The following RIOX2 variants were observed in gnomAD, a reference collection of about 807,000 sequenced individuals.
RIOX2 encodes the protein ribosomal oxygenase 2.
RIOX2 carries 43 observed loss-of-function variants against 51.2 expected under a neutral mutation model. The observed-to-expected ratio is 0.84, with a 90% CI of 0.66 to 1.08. RIOX2 has a LOEUF of 1.08. RIOX2 is among the 50% of genes least tolerant of loss of function. The pLI, the probability that RIOX2 is intolerant of heterozygous loss-of-function variation, is 0.00. For synonymous variants in RIOX2, 226 were observed against 218.5 expected, an observed-to-expected ratio of 1.03 and a Z score of -0.30; for missense variants, 566 against 561.7, an observed-to-expected ratio of 1.01 and a Z score of -0.08.
chr3:97,952,074 C>T, intron 5 of RIOX2: 1 of 859,768 alleles, frequency 1.2e-6, no homozygotes, highest in Non-Finnish European at 1.7e-6. Context: ...ACAACCAAAT[C>T]AACAACATAC....
intron 7 of RIOX2, 86 bp from the exon 8 acceptor site, chr3:97,947,535 C>T (rs188701072): frequency 1.0e-6 from 1 of 963,350 alleles, no homozygotes. Flanking sequence ...ATAGGAAACA[C>T]ATTTACTAAC....
chr3:97,960,930 A>C (rs1705651735), intron 3 of RIOX2, among the ~76,000 whole-genome samples: 1 of 152,220 alleles, frequency 6.6e-6, no homozygotes, highest in South Asian at 2.1e-4. Flanking sequence ...AAAAATATTA[A>C]AAATAACATT....
intron 2 of RIOX2, among the ~76,000 whole-genome samples, chr3:97,963,461 A>G (rs939286265): frequency 6.6e-6 from 1 of 152,222 alleles, no homozygotes; most frequent in African/African-American, 2.4e-5. Flanking sequence ...GGGCTTCTCT[A>G]TAGATCTCAG....
rs748548822 is a variant in RIOX2, at chr3:97,947,491, A to G, written c.1061-42T>C. On this transcript the variant is annotated intron_variant, in intron 7 of 9. Coordinates refer to ENST00000394198, the MANE Select transcript of RIOX2 (RefSeq NM_153182.4). ...AGAGAAAGCCGACCTTCAAAAAAGG[A>G]AACAGGCAGATTCAAACTTGCTTAT... The G allele has an allele frequency of 4.6e-6, 7 of 1,510,362 alleles. No homozygotes were observed. The Admixed American group carries it at 8.4e-5, about 18-fold the overall frequency. The allele number at this position is 1,510,362 out of a possible 1,614,324, so 93.6% of individuals were successfully genotyped here.
intron 9 of RIOX2, 166 bp downstream of exon 9, chr3:97,945,632 A>C (rs2040336771): frequency 1.6e-6 from 1 of 631,350 alleles, no homozygotes; most frequent in South Asian, 2.0e-5. Context: ...TATCACAGAA[A>C]TGTCTGACTT....
intron 1 of RIOX2, among the ~76,000 whole-genome samples, chr3:97,969,477 G>T (rs775812491): frequency 2.3e-4 from 35 of 152,236 alleles, no homozygotes; most frequent in Non-Finnish European, 4.6e-4. Flanking sequence ...TCCTTTGAAA[G>T]TGCAGCTTGT....
At chr3:97,961,751 GA>G in intron 2 of RIOX2, 43 bp from the exon 3 acceptor site, 1 of 1,542,070 alleles carries the variant, frequency 6.5e-7, no homozygotes. Flanking sequence ...GTGGGGGAGT[GA>G]AAAATGTATT....
At chr3:97,968,043 A>T (rs1705959471) in intron 1 of RIOX2, among the ~76,000 whole-genome samples, 1 of 152,176 alleles carries the variant, frequency 6.6e-6, no homozygotes, top group Non-Finnish European at 1.5e-5. Flanking sequence ...CCCACATCTA[A>T]TTAGATGTAC....
intron 1 of RIOX2, among the ~76,000 whole-genome samples, chr3:97,970,570 A>G (rs1034694301): frequency 4.6e-5 from 7 of 152,224 alleles, no homozygotes; most frequent in Non-Finnish European, 1.5e-5. Flanking sequence ...ATCCAATACT[A>G]TAGTAATTAA....
At chr3:97,957,804 T>C (rs1343942723) in intron 4 of RIOX2, among the ~76,000 whole-genome samples, 1 of 152,134 alleles carries the variant, frequency 6.6e-6, no homozygotes, top group Non-Finnish European at 1.5e-5. Context: ...TATGTAAACA[T>C]GATGCAACAA....
intron 9 of RIOX2, 33 bp from the exon 10 acceptor site, chr3:97,945,375 G>T (rs1215999483): frequency 6.3e-7 from 1 of 1,574,976 alleles, no homozygotes; most frequent in African/African-American, 1.4e-5. Flanking sequence ...CAAAATATAT[G>T]TATACTACTT....
At chr3:97,968,693 A>C (rs1349017434) in intron 1 of RIOX2, among the ~76,000 whole-genome samples, 2 of 152,152 alleles carry the variant, frequency 1.3e-5, no homozygotes, top group African/African-American at 4.8e-5. Flanking sequence ...AAATTATTTA[A>C]ATTTCCTGAG....
In RIOX2 at chr3:97,942,062, G is replaced by C. The variant is rs2107113346; in HGVS notation, c.*3122C>G. ...GATGTAGACATCCTATTAAAAACAA[G>C]TACCTCTATTTCAGTTGGTTTATTT... On this transcript the variant is annotated 3_prime_UTR_variant, in exon 10 of 10. Transcript: ENST00000394198. 2 of 340,616 alleles carry C rather than the reference G, an allele frequency of 5.9e-6. No homozygotes were observed. Among genetic ancestry groups the C allele is most frequent in the South Asian group, 1.4e-4 (1 of 7,172 alleles). 21.1% of individuals were successfully genotyped at this position (340,616 alleles called of 1,614,324 possible).
chr3:97,967,019 T>C (rs1284294766), intron 2 of RIOX2, 143 bp downstream of exon 2: 1 of 833,754 alleles, frequency 1.2e-6, no homozygotes, highest in Non-Finnish European at 1.9e-6. Context: ...TTAGAATGCA[T>C]TTAGACCAAA....
Position 97,944,272 on chromosome 3 carries a change from TTAAG to T in RIOX2, c.*908_*911del, listed in dbSNP as rs1370379298. 15 of 151,980 alleles carry T rather than the reference TTAAG, an allele frequency of 9.9e-5. No individual in the cohort carries two copies. The highest frequency in any genetic ancestry group is 1.9e-4 in the Non-Finnish European group (13 of 67,898). The allele number at this position is 151,980 out of a possible 1,614,324, so 9.4% of individuals were successfully genotyped here. A position where few individuals can be genotyped will look rare whatever the true frequency, so the allele number is the denominator to read the frequency against. On this transcript the variant is annotated 3_prime_UTR_variant, in exon 10 of 10. Transcript: ENST00000394198. ...CACTCCCATTGTAAGTAACTTTTAT[TTAAG>T]TAAGTAAAATCAGGTAGGAAATCAC...
At chr3:97,965,901 T>G (rs1179881930) in intron 2 of RIOX2, among the ~76,000 whole-genome samples, 2 of 152,226 alleles carry the variant, frequency 1.3e-5, no homozygotes, top group African/African-American at 4.8e-5. Context: ...CGAGAAGCAT[T>G]TTATTGACGG....
At chr3:97,950,519 A>C (rs1705201428) in intron 6 of RIOX2, among the ~76,000 whole-genome samples, 1 of 152,192 alleles carries the variant, frequency 6.6e-6, no homozygotes, top group Non-Finnish European at 1.5e-5. Flanking sequence ...TCCTGGCCGT[A>C]CTATTCATTT....
rs1397618770 is a variant in RIOX2, at chr3:97,968,237, CT to C, written c.-39-606del. On this transcript the variant is annotated intron_variant, in intron 1 of 9. Coordinates refer to ENST00000394198, the MANE Select transcript of RIOX2 (RefSeq NM_153182.4). ...TCCACTAACCACCTGAACCTGCTCA[CT>C]TCCAACTCTGAGCTTATTCCTGAAA... Among the ~76,000 whole-genome samples, 26 of 152,310 alleles carry C rather than the reference CT, an allele frequency of 1.7e-4. No homozygotes were observed. The East Asian group carries it at 5.0e-3, about 29-fold the overall frequency.
chr3:97,960,883 A>G (rs1705649995), intron 3 of RIOX2, among the ~76,000 whole-genome samples: 1 of 152,164 alleles, frequency 6.6e-6, no homozygotes, highest in Non-Finnish European at 1.5e-5. Context: ...GAAAACTTCG[A>G]GTTTTTTATT....
Sources: allele counts gnomAD v4.1 joint callset (sites outside exome capture counted in the v4.1 genomes callset), GRCh38; gene constraint gnomAD v4.1.1; transcripts MANE v1.5; gene names NCBI Gene and HGNC (gene_info 2026-07-23, HGNC 2026-07-21).